The following STIM2 variants were observed in gnomAD, a reference collection of about 807,000 sequenced individuals.
The protein encoded by STIM2 is stromal interaction molecule 2.
STIM2 carries 31 observed loss-of-function variants against 85.8 expected under a neutral mutation model. The ratio of observed to expected loss-of-function variants is 0.36; its 90% CI spans 0.27 to 0.49. The LOEUF (loss-of-function observed/expected upper bound fraction) is 0.49, where lower values mean the gene tolerates loss of function less well. STIM2 is among the 20% of genes least tolerant of loss of function. The pLI is 0.98. For synonymous variants in STIM2, 356 were observed against 331.1 expected (o/e 1.08, Z -0.82); for missense variants, 841 against 927.6 (o/e 0.91, Z 1.21).
chr4:27,018,042 A>C, intron 11 of STIM2, 58 bp downstream of exon 11: 5 of 1,350,906 alleles, frequency 3.7e-6, no homozygotes, highest in Non-Finnish European at 5.3e-6. Flanking sequence ...GTAAGGTGTG[A>C]GGAGGGGGCG....
intron 3 of STIM2, among the ~76,000 whole-genome samples, chr4:26,963,476 T>C (rs1427244598): frequency 2.6e-5 from 4 of 152,132 alleles, no homozygotes; most frequent in African/African-American, 9.7e-5. Context: ...TCTAATAAGG[T>C]AGTGTTATCT....
intron 2 of STIM2, among the ~76,000 whole-genome samples, chr4:26,952,658 G>A (rs1051620326): frequency 2.0e-5 from 3 of 152,002 alleles, no homozygotes; most frequent in African/African-American, 7.2e-5. Flanking sequence ...GACCAATTCT[G>A]TGCTCTCAAA....
intron 2 of STIM2, among the ~76,000 whole-genome samples, chr4:26,923,639 T>C (rs1724899183): frequency 8.7e-6 from 1 of 115,324 alleles, no homozygotes; most frequent in Non-Finnish European, 1.8e-5. Context: ...AATCACCAGC[T>C]AACATCATAA....
chr4:26,950,743 G>A (rs769470382), intron 2 of STIM2, among the ~76,000 whole-genome samples: 4 of 152,132 alleles, frequency 2.6e-5, no homozygotes, highest in Non-Finnish European at 5.9e-5. Flanking sequence ...CTAAGACAAA[G>A]GTGTTTTTTG....
At chr4:26,946,596 A>G (rs1385501035) in intron 2 of STIM2, among the ~76,000 whole-genome samples, 2 of 152,374 alleles carry the variant, frequency 1.3e-5, no homozygotes, top group East Asian at 3.9e-4. Context: ...ATGTATGTCC[A>G]CATGCTCCTG....
At chr4:26,947,667 C>A (rs1725886125) in intron 2 of STIM2, among the ~76,000 whole-genome samples, 1 of 152,176 alleles carries the variant, frequency 6.6e-6, no homozygotes, top group Non-Finnish European at 1.5e-5. Flanking sequence ...TGCTCGCCAG[C>A]CCTAGACCTG....
In STIM2 at chr4:26,959,013, A is replaced by G. The variant is rs148282021; in HGVS notation, c.397+1287A>G. On this transcript the variant is annotated intron_variant, in intron 3 of 11. Coordinates refer to ENST00000467087, the MANE Select transcript of STIM2 (RefSeq NM_020860.4). ...CTTGTACTACCTTTGTTCAGCCACC[A>G]TCGTCTCTTGCCTGGATAATTGTGA... is the stretch of plus-strand genomic sequence containing the variant. Among the ~76,000 whole-genome samples, 485 of 152,326 alleles carry G rather than the reference A, an allele frequency of 3.2e-3. 2 individuals are homozygous for G. The highest frequency in any genetic ancestry group is 0.011 in the African/African-American group (464 of 41,576).
chr4:26,923,053 A>G (rs1305647184), intron 2 of STIM2, among the ~76,000 whole-genome samples: 1 of 151,666 alleles, frequency 6.6e-6, no homozygotes, highest in East Asian at 1.9e-4. Flanking sequence ...TGCCTCCTCA[A>G]GTGGGTCCCT....
intron 3 of STIM2, among the ~76,000 whole-genome samples, chr4:26,978,896 A>G (rs1208293144): frequency 2.0e-5 from 3 of 152,192 alleles, no homozygotes; most frequent in Non-Finnish European, 4.4e-5. Flanking sequence ...AGCATGGGTC[A>G]TGTGATATAA....
At position 27,007,518 on chromosome 4, in the gene STIM2, C is replaced by T. The variant is rs1346305014; in HGVS notation, c.982-15C>T. 1.4e-6 allele frequency: 2 copies of T among 1,481,420 alleles called. No individual in the cohort carries two copies. The highest frequency in any genetic ancestry group is 1.8e-6 in the Non-Finnish European group (2 of 1,109,386). 91.8% of individuals were successfully genotyped at this position (1,481,420 alleles called of 1,614,324 possible). A position where few individuals can be genotyped will look rare whatever the true frequency, so the allele number is the denominator to read the frequency against. On this transcript the variant is annotated splice_polypyrimidine_tract_variant and intron_variant, in intron 7 of 11. Coordinates refer to ENST00000467087, the MANE Select transcript of STIM2 (RefSeq NM_020860.4). ...CCCTCTCTCCTTTCTTGCCTCCTTC[C>T]TTTCCTTCTTCTAGGTTCGCATGGC... is the stretch of plus-strand genomic sequence containing the variant.
rs759981562 is a variant in STIM2, at chr4:27,022,604, T to A, written c.1849T>A (p.Tyr617Asn). ...GTCTCCTCCTTTAAGCCTCGAGATA[T>A]ACCAAACATTATCTCCGCGAAAGAT... is the stretch of plus-strand genomic sequence containing the variant. Residue 617 changes from tyrosine (Y) to asparagine (N), a missense_variant, in exon 12 of 12, where the codon TAC becomes AAC. By Grantham distance (143) the Tyr-to-Asn change is moderately radical. This residue lies in a region of STIM2 where 293 missense variants were observed against 284.5 expected (regional missense o/e 1.03). Coordinates refer to ENST00000467087, the MANE Select transcript of STIM2 (RefSeq NM_020860.4). 4.3e-6 allele frequency: 7 copies of A among 1,613,974 alleles called. No homozygotes were observed. In the South Asian group the frequency reaches 7.7e-5, roughly 18 times the overall value.
At chr4:26,902,435 C>G (rs1723957715) in intron 1 of STIM2, among the ~76,000 whole-genome samples, 2 of 152,072 alleles carry the variant, frequency 1.3e-5, no homozygotes, top group Admixed American at 1.3e-4. Context: ...AAGAGTATAG[C>G]TACATTTAGG....
At chr4:26,989,438 T>C (rs1727688178) in intron 3 of STIM2, among the ~76,000 whole-genome samples, 1 of 152,012 alleles carries the variant, frequency 6.6e-6, no homozygotes, top group African/African-American at 2.4e-5. Flanking sequence ...CTTCAACAAA[T>C]TGGGTATATA....
At chr4:27,021,429 T>C (rs1728908227) in intron 11 of STIM2, 2 of 455,350 alleles carry the variant, frequency 4.4e-6, no homozygotes, top group Non-Finnish European at 8.8e-6. Context: ...GGAGAGTAGA[T>C]AACACCAAGC....
intron 11 of STIM2, 104 bp downstream of exon 11, chr4:27,018,088 C>T: frequency 6.6e-7 from 1 of 1,504,208 alleles, no homozygotes; most frequent in Non-Finnish European, 9.1e-7. Flanking sequence ...TCTGTTGCTA[C>T]ATATCAAGGT....
intron 3 of STIM2, among the ~76,000 whole-genome samples, chr4:26,989,563 G>A (rs981182774): frequency 6.6e-6 from 1 of 152,156 alleles, no homozygotes; most frequent in Non-Finnish European, 1.5e-5. Context: ...ACAAGACAAG[G>A]ATGCCCACTT....
intron 1 of STIM2, among the ~76,000 whole-genome samples, chr4:26,907,284 TAGTTAG>T (rs1194328658): frequency 6.6e-6 from 1 of 152,174 alleles, no homozygotes; most frequent in Non-Finnish European, 1.5e-5. Context: ...TTAGAACATA[TAGTTAG>T]AACTATATGG....
In STIM2 at chr4:26,922,437, C is replaced by T. The variant is rs149474167; in HGVS notation, c.282+2803C>T. On this transcript the variant is annotated intron_variant, in intron 2 of 11. Transcript: ENST00000467087. ...GCAGTTTTAGATTTTAACCCAAAAA[C>T]TGAGCTTCTGCAGTTTCAATGACTT... is the stretch of plus-strand genomic sequence containing the variant. 1.6e-4 allele frequency among the ~76,000 whole-genome samples: 24 copies of T among 152,250 alleles called. No individual in the cohort carries two copies. The East Asian group carries it at 2.9e-3, about 18-fold the overall frequency.
chr4:27,009,963 T>C (rs910014174), intron 10 of STIM2, among the ~76,000 whole-genome samples: 2 of 152,238 alleles, frequency 1.3e-5, no homozygotes, highest in Non-Finnish European at 2.9e-5. Context: ...TAACTAGTTT[T>C]TTTCTTTGCT....
Sources: gnomAD v4.1 joint callset for allele counts (sites outside exome capture counted in the v4.1 genomes callset) on GRCh38, gnomAD v4.1.1 for gene constraint, gnomAD v4.1.1 regional missense constraint, MANE v1.5 for transcripts, NCBI Gene and HGNC (gene_info 2026-07-23, HGNC 2026-07-21) for gene names.